DAPK1: variants seen among roughly 807,000 people sequenced by gnomAD.
DAPK1 encodes the protein death associated protein kinase 1.
A neutral mutation model predicts 144.9 loss-of-function variants in DAPK1; 56 were observed. The observed-to-expected ratio is 0.39, with a 90% confidence interval of 0.31 to 0.48. DAPK1 has a LOEUF of 0.48. Among genes scored for constraint, DAPK1 ranks in the 20% least tolerant of loss-of-function variants. The pLI is 0.95. For synonymous variants in DAPK1, 690 were observed against 749.0 expected, an observed-to-expected ratio of 0.92 and a Z score of 1.29; for missense variants, 1,454 against 1,875.4, an observed-to-expected ratio of 0.78 and a Z score of 4.15.
intron 2 of DAPK1, among the ~76,000 whole-genome samples, chr9:87,559,330 G>T (rs1826826800): frequency 6.6e-6 from 1 of 151,328 alleles, no homozygotes; most frequent in South Asian, 2.1e-4. Flanking sequence ...GTAGGGCAGG[G>T]CAGGGTAGTG....
At chr9:87,547,576 AGAGTGTGTGTGT>A (rs1236886653) in intron 2 of DAPK1, among the ~76,000 whole-genome samples, 2 of 145,492 alleles carry the variant, frequency 1.4e-5, no homozygotes, top group East Asian at 2.0e-4. Context: ...GGAGAGAGAG[AGAGTGTGTGTGT>A]GTGTGTGTGT....
rs185035364 is a variant in DAPK1 at position 87,552,493 on chromosome 9, G to T, written c.63-52461G>T. Among the ~76,000 whole-genome samples the T allele has an allele frequency of 6.6e-5, 10 of 152,208 alleles. No individual in the cohort carries two copies. The East Asian group carries it at 1.7e-3, about 26-fold the overall frequency. ...CACACTAATTTTCTCTAGCACCTGG[G>T]CAGACATAGGCAGTTGTGGCATCTC... On this transcript the variant is annotated intron_variant, in intron 2 of 25. Coordinates refer to ENST00000408954, the MANE Select transcript of DAPK1 (RefSeq NM_004938.4).
At chr9:87,542,151 A>G (rs896941367) in intron 2 of DAPK1, among the ~76,000 whole-genome samples, 3 of 152,356 alleles carry the variant, frequency 2.0e-5, no homozygotes, top group Non-Finnish European at 4.4e-5. Context: ...TTAGGACTTC[A>G]TAATGATTTA....
chr9:87,690,792 G>A (rs1825029658), intron 21 of DAPK1, among the ~76,000 whole-genome samples: 2 of 151,992 alleles, frequency 1.3e-5, no homozygotes, highest in Non-Finnish European at 1.5e-5. Flanking sequence ...TGCTTTTTCG[G>A]CATCTGTTGA....
intron 2 of DAPK1, among the ~76,000 whole-genome samples, chr9:87,508,964 CCTT>C (rs1271629956): frequency 6.6e-6 from 1 of 152,176 alleles, no homozygotes; most frequent in Non-Finnish European, 1.5e-5. Flanking sequence ...TTTCCACCCT[CCTT>C]TGAGAAGTTT....
Position 87,548,094 on chromosome 9 carries a change from A to G in DAPK1, c.62+48955A>G, listed in dbSNP as rs573807589. Among the ~76,000 whole-genome samples, 4 of 152,250 alleles carry G rather than the reference A, an allele frequency of 2.6e-5. No homozygotes were observed. In the East Asian group the frequency reaches 7.7e-4, roughly 29 times the overall value. The stretch of plus-strand genomic sequence containing the variant: ...CTGTCAGATGAACACTGTTATGCTA[A>G]CTTCTCTAGGCAGCAATAATGCAGC... On this transcript the variant is annotated intron_variant, in intron 2 of 25. Transcript: ENST00000408954.
intron 23 of DAPK1, among the ~76,000 whole-genome samples, chr9:87,699,059 C>A (rs1825372139): frequency 6.6e-6 from 1 of 152,186 alleles, no homozygotes; most frequent in African/African-American, 2.4e-5. Flanking sequence ...TTCAAAAATT[C>A]TAAATCTGAA....
intron 3 of DAPK1, among the ~76,000 whole-genome samples, chr9:87,624,051 G>A (rs1165509662): frequency 1.3e-5 from 2 of 152,200 alleles, no homozygotes; most frequent in African/African-American, 4.8e-5. Context: ...ACAAAAGAAA[G>A]CACTCCAAAG....
At chr9:87,626,613 C>G (rs968775627) in intron 3 of DAPK1, among the ~76,000 whole-genome samples, 1 of 152,156 alleles carries the variant, frequency 6.6e-6, no homozygotes, top group East Asian at 1.9e-4. Flanking sequence ...GTCACATCCT[C>G]GGAGTAGTCA....
chr9:87,586,079 G>C (rs1827934428), intron 2 of DAPK1, among the ~76,000 whole-genome samples: 1 of 152,170 alleles, frequency 6.6e-6, no homozygotes, highest in South Asian at 2.1e-4. Flanking sequence ...CTTGAACCCA[G>C]AAGTGTGAGA....
intron 2 of DAPK1, among the ~76,000 whole-genome samples, chr9:87,528,260 C>G (rs147243632): frequency 6.6e-5 from 10 of 150,944 alleles, no homozygotes; most frequent in Non-Finnish European, 1.3e-4. Context: ...TCTTGTTGCC[C>G]AGGCTGGAGT....
chr9:87,635,766 G>A (rs2119115079), intron 3 of DAPK1, among the ~76,000 whole-genome samples: 1 of 152,352 alleles, frequency 6.6e-6, no homozygotes, highest in South Asian at 2.1e-4. Flanking sequence ...TGAGGCTCAA[G>A]AGAAGGGGTA....
At position 87,602,322 on chromosome 9, in the gene DAPK1, CT is replaced by C. The variant is rs1417926004; in HGVS notation, c.63-2628del. 2.6e-5 allele frequency among the ~76,000 whole-genome samples: 4 copies of C among 152,288 alleles called. No individual in the cohort carries two copies. The East Asian group carries it at 7.7e-4, about 29-fold the overall frequency. On this transcript the variant is annotated intron_variant, in intron 2 of 25. Transcript: ENST00000408954. ...CTTATCCCCTCCTCACCAGCCAGCACTTTTCGTATGGGGACCCTGCAGTGTG... is the reference window on the plus strand; with the variant it reads ...CTTATCCCCTCCTCACCAGCCAGCACTTTCGTATGGGGACCCTGCAGTGTG...
intron 20 of DAPK1, among the ~76,000 whole-genome samples, chr9:87,682,124 G>A (rs1316695528): frequency 2.0e-5 from 3 of 152,144 alleles, no homozygotes; most frequent in Non-Finnish European, 4.4e-5. Context: ...GGGATTTCCA[G>A]GAAGCACCAT....
rs1825710358 is a variant in DAPK1 at position 87,708,325 on chromosome 9, G to A, written c.*961G>A. On this transcript the variant is annotated 3_prime_UTR_variant, in exon 26 of 26. Transcript: ENST00000408954. ...CCCTTATAATTGGTGCATAGCAGAT[G>A]GTTTCCACATTTAGATCCTGGTTTC... 6.6e-6 allele frequency: 1 copy of A among 152,578 alleles called. No individual in the cohort carries two copies. 9.5% of individuals were successfully genotyped at this position (152,578 alleles called of 1,614,324 possible).
chr9:87,572,764 A>C (rs975620663), intron 2 of DAPK1, among the ~76,000 whole-genome samples: 1 of 152,056 alleles, frequency 6.6e-6, no homozygotes, highest in Non-Finnish European at 1.5e-5. Context: ...TGAGCCAATT[A>C]AACTTCTTTT....
Position 87,533,723 on chromosome 9 carries a change from C to T in DAPK1, c.62+34584C>T, listed in dbSNP as rs551585969. ...TGTCACCCAGGCTGGAGTGCAGTGG[C>T]GTGATCTGGGCTCACTGCAACCTCC... On this transcript the variant is annotated intron_variant, in intron 2 of 25. Coordinates refer to ENST00000408954, the MANE Select transcript of DAPK1 (RefSeq NM_004938.4). 1.6e-4 allele frequency among the ~76,000 whole-genome samples: 25 copies of T among 152,290 alleles called. No individual in the cohort carries two copies. The South Asian group carries it at 1.9e-3, about 11-fold the overall frequency.
rs1825659280 is a variant in DAPK1, at chr9:87,706,821, GATCTA to G, written c.3751_3755del (p.Ile1251ProfsTer86). 6.2e-7 allele frequency: 1 copy of G among 1,613,652 alleles called. No homozygotes were observed. Among genetic ancestry groups the G allele is most frequent in the African/African-American group, 1.3e-5 (1 of 74,944 alleles). On this transcript the variant is annotated frameshift_variant, in exon 26 of 26. Coordinates refer to ENST00000408954, the MANE Select transcript of DAPK1 (RefSeq NM_004938.4). LOFTEE classifies it high-confidence loss of function. The surrounding 1 kb of genome is among the most constrained non-coding windows in gnomAD (Gnocchi z 9.0). ...TGCGGGAGCACCATGAGCCCGTCATGATCTACCAGCCACGGGACTTCTTCCGGGCA... is the reference window on the plus strand; with the variant it reads ...TGCGGGAGCACCATGAGCCCGTCATGCCAGCCACGGGACTTCTTCCGGGCA...
intron 19 of DAPK1, among the ~76,000 whole-genome samples, chr9:87,680,046 C>T (rs945357483): frequency 5.3e-5 from 8 of 151,512 alleles, no homozygotes; most frequent in African/African-American, 1.9e-4. Flanking sequence ...TTTTGATTAT[C>T]CTTTTTATTT....
Sources: gnomAD v4.1 joint callset for allele counts (sites outside exome capture counted in the v4.1 genomes callset) on GRCh38, gnomAD v4.1.1 for gene constraint, Gnocchi (gnomAD v3.1) non-coding constraint, MANE v1.5 for transcripts, NCBI Gene and HGNC (gene_info 2026-07-23, HGNC 2026-07-21) for gene names.